Variants in SON observed in about 807,000 individuals in gnomAD.
SON encodes protein SON.
Under a neutral mutation model 173.3 loss-of-function variants are expected in SON, and 4 were observed. The ratio of observed to expected loss-of-function variants is 0.02; its 90% CI spans 0.01 to 0.05. SON has a LOEUF of 0.05. Ranked by LOEUF, SON falls within the 10% of genes least tolerant of loss-of-function variation. The pLI is 1.00. For missense variants in SON, 2,626 were observed against 3,055.3 expected, an observed-to-expected ratio of 0.86 and a Z score of 3.31; for synonymous variants, 1,190 against 1,105.9, an observed-to-expected ratio of 1.08 and a Z score of -1.51.
chr21:33,555,331 C>T lies in SON; in HGVS notation c.6100C>T (p.Arg2034Cys), dbSNP rs369271513. ...LRRRFSRSPIRRKRSRSSERG... is the reference protein window; with the variant it reads ...LRRRFSRSPICRKRSRSSERG... ...AAGAAGGTTTAGCAGATCTCCCATC[C>T]GTCGTAAAAGATCCAGGTCTTCTGA... The change falls in exon 3 of 12, where the codon CGT (arginine) becomes TGT (cysteine). Residue 2034 changes from arginine (R) to cysteine (C), a missense_variant. Around this residue, in one of 13 missense-constraint regions of SON, gnomAD observed 138 missense variants for 222.9 expected, o/e 0.62. Transcript: ENST00000356577. 25 of 1,601,314 alleles carry T rather than the reference C, an allele frequency of 1.6e-5. No homozygotes were observed. Among genetic ancestry groups the T allele is most frequent in the East Asian group, 2.3e-5 (1 of 43,678 alleles).
intron 7 of SON, chr21:33,567,490 G>A: frequency 2.0e-6 from 1 of 510,880 alleles, no homozygotes; most frequent in African/African-American, 1.9e-5. Context: ...TGTTTCTTGA[G>A]AGAACAAAAT....
intron 6 of SON, chr21:33,560,344 T>A: frequency 7.7e-7 from 1 of 1,300,932 alleles, no homozygotes; most frequent in South Asian, 2.3e-5. Flanking sequence ...CTTGGCCCTT[T>A]TAAATTCTTG....
intron 6 of SON, among the ~76,000 whole-genome samples, chr21:33,562,966 G>A (rs2086096031): frequency 6.6e-6 from 1 of 152,060 alleles, no homozygotes; most frequent in Non-Finnish European, 1.5e-5. Context: ...ATGCTTAGAT[G>A]TTAAGATCAT....
chr21:33,561,216 T>C (rs936624025), intron 6 of SON, among the ~76,000 whole-genome samples: 8 of 152,096 alleles, frequency 5.3e-5, no homozygotes, highest in African/African-American at 1.9e-4. Context: ...AAGAGGGAGA[T>C]AGTTGGTTTG....
rs763843527 is a variant in SON, at chr21:33,552,533, G to T, written c.3302G>T (p.Arg1101Leu). 3 of 1,613,932 alleles carry T rather than the reference G, an allele frequency of 1.9e-6. No individual in the cohort carries two copies. The highest frequency in any genetic ancestry group is 2.5e-6 in the Non-Finnish European group (3 of 1,179,974). ...ATGTCGTCATACTCTGCTGCTGACCGGTCTATGATGTCATCGTACTCTGCA... is the reference window on the plus strand; with the variant it reads ...ATGTCGTCATACTCTGCTGCTGACCTGTCTATGATGTCATCGTACTCTGCA... ...SMMSSYSAAD[R>L]SMMSSYSAAD... Residue 1101 changes from arginine (R) to leucine (L), a missense_variant, in exon 3 of 12, where the codon CGG (arginine) becomes CTG (leucine). Around this residue, in one of 13 missense-constraint regions of SON, gnomAD observed 366 missense variants for 448.6 expected, o/e 0.82. Coordinates refer to ENST00000356577, the MANE Select transcript of SON (RefSeq NM_138927.4). The surrounding 1 kb of genome is among the most constrained non-coding windows in gnomAD (Gnocchi z 5.6).
At chr21:33,558,158 T>A (rs1388074422) in intron 4 of SON, 2 of 152,936 alleles carry the variant, frequency 1.3e-5, no homozygotes, top group East Asian at 3.9e-4. Context: ...CTTTTTATCC[T>A]ATTGTAATAT....
chr21:33,571,102 A>G (rs979994883), intron 8 of SON, among the ~76,000 whole-genome samples: 4 of 152,212 alleles, frequency 2.6e-5, no homozygotes, highest in Admixed American at 2.0e-4. Context: ...AATTATTTTG[A>G]TAAATTATGA....
intron 1 of SON, among the ~76,000 whole-genome samples, chr21:33,545,389 G>A (rs138404325): frequency 7.0e-4 from 107 of 152,264 alleles, no homozygotes; most frequent in African/African-American, 2.5e-3. Context: ...TTATCAGGTA[G>A]TGGAGCATAA....
chr21:33,567,285 A>T lies in SON; in HGVS notation c.6768+18A>T, dbSNP rs144666057. The T allele has an allele frequency of 1.7e-3, 2,325 of 1,374,182 alleles. 16 individuals are homozygous for T. In the African/African-American group the frequency reaches 0.02, roughly 12 times the overall value. 85.1% of individuals were successfully genotyped at this position (1,374,182 alleles called of 1,614,324 possible). On this transcript the variant is annotated intron_variant, in intron 7 of 11. Coordinates refer to ENST00000356577, the MANE Select transcript of SON (RefSeq NM_138927.4). ...AGGAAAGGGTATGTAGCAGTTTTTT[A>T]AAAAAAATTATTATTTACCATCAGC...
chr21:33,569,240 G>C, intron 8 of SON, 153 bp downstream of exon 8: 1 of 556,258 alleles, frequency 1.8e-6, no homozygotes, highest in Non-Finnish European at 3.3e-6. Context: ...CACTGAAGAC[G>C]GACTGGATTC....
chr21:33,562,204 T>C (rs963750284), intron 6 of SON, among the ~76,000 whole-genome samples: 2 of 152,188 alleles, frequency 1.3e-5, no homozygotes, highest in African/African-American at 4.8e-5. Flanking sequence ...AAGTAATGAA[T>C]TTATTATTTA....
chr21:33,556,726 AAAG>A (rs1011893173), intron 3 of SON, among the ~76,000 whole-genome samples: 12 of 151,296 alleles, frequency 7.9e-5, no homozygotes, highest in African/African-American at 2.7e-4. Flanking sequence ...AAAAAAAAAA[AAAG>A]AGGTGGCACT....
chr21:33,553,793 G>C lies in SON; in HGVS notation c.4562G>C (p.Gly1521Ala). 6.2e-7 allele frequency: 1 copy of C among 1,614,060 alleles called. No homozygotes were observed. The highest frequency in any genetic ancestry group is 1.1e-5 in the South Asian group (1 of 91,078). The change falls in exon 3 of 12, where the codon GGT (glycine) becomes GCT (alanine). Residue 1521 changes from glycine (G) to alanine (A), a missense_variant. Physicochemically the swap from Gly to Ala is moderately conservative, Grantham distance 60. Coordinates refer to ENST00000356577, the MANE Select transcript of SON (RefSeq NM_138927.4). ...CCACATGCTGAGGAACACCTGAAAG[G>C]TGACTTTTACGAAAGTGAACATGGT... ...EEPHAEEHLK[G>A]DFYESEHGIN...
intron 7 of SON, among the ~76,000 whole-genome samples, chr21:33,567,799 G>A (rs937705600): frequency 1.3e-5 from 2 of 152,152 alleles, no homozygotes; most frequent in Admixed American, 6.5e-5. Context: ...TGTAATGCCA[G>A]CTACTCAGGA....
chr21:33,550,921 C>G lies in SON; in HGVS notation c.1690C>G (p.Pro564Ala). The change falls in exon 3 of 12, where the codon CCT becomes GCT. Residue 564 changes from proline to alanine, a missense_variant. By Grantham distance (27) the Pro-to-Ala change is conservative (BLOSUM62 -1). Transcript: ENST00000356577. Reference protein sequence around the residue: ...ATTALELPGQPSVTGVPELPG... With the variant: ...ATTALELPGQASVTGVPELPG... ...GACAGCGCTGGAGTTGCCGGGGCAG[C>G]CTTCGGTGACTGGGGTGCCAGAGTT... 1 of 1,606,996 alleles carries G rather than the reference C, an allele frequency of 6.2e-7. No homozygotes were observed. Among genetic ancestry groups the G allele is most frequent in the Non-Finnish European group, 8.5e-7 (1 of 1,174,750 alleles).
chr21:33,557,850 T>C (rs1277960964), intron 4 of SON: 3 of 486,326 alleles, frequency 6.2e-6, no homozygotes, highest in African/African-American at 2.0e-5. Flanking sequence ...CATTATCAGT[T>C]CTTCCTGCGG....
In SON at chr21:33,546,272, C is replaced by A. The variant is rs760780913; in HGVS notation, c.137C>A (p.Ala46Glu). 1 of 1,613,498 alleles carries A rather than the reference C, an allele frequency of 6.2e-7. No individual in the cohort carries two copies. The highest frequency in any genetic ancestry group is 1.7e-5 in the Admixed American group (1 of 59,950). ...AATACACCCATTGAAGGAAACCAGG[C>A]GGGTGATGCAGCTGCCTCTGCCAGG... Reference protein sequence around the residue: ...ETNTPIEGNQAGDAAASARSL... With the variant: ...ETNTPIEGNQEGDAAASARSL... Residue 46 changes from alanine (A) to glutamate (E), a missense_variant, in exon 2 of 12, where the codon GCG (alanine) becomes GAG (glutamate). Ala to Glu is a moderately radical substitution (Grantham distance 107). Transcript: ENST00000356577.
chr21:33,561,413 T>A (rs1226081472), intron 6 of SON, among the ~76,000 whole-genome samples: 1 of 152,174 alleles, frequency 6.6e-6, no homozygotes, highest in African/African-American at 2.4e-5. Context: ...TTTAGTAATT[T>A]CCTGCAGTTT....
rs1201902852 is a variant in SON, at chr21:33,549,973, G to C, written c.742G>C (p.Ala248Pro). The C allele has an allele frequency of 2.5e-6, 4 of 1,614,014 alleles. No individual in the cohort carries two copies. Among genetic ancestry groups the C allele is most frequent in the Non-Finnish European group, 2.5e-6 (3 of 1,180,042 alleles). The change falls in exon 3 of 12, where the codon GCA becomes CCA. Residue 248 changes from alanine to proline, a missense_variant. Around this residue, in one of 13 missense-constraint regions of SON, gnomAD observed 757 missense variants for 730.1 expected, o/e 1.04. Transcript: ENST00000356577. Reference sequence around the variant, plus strand: ...AAAGATTCTGGATTCCTTTGCAGCAGCACCAGTGCCTACTACAACACTGGT... The same window carrying C: ...AAAGATTCTGGATTCCTTTGCAGCACCACCAGTGCCTACTACAACACTGGT... Reference protein sequence around the residue: ...MTKILDSFAAAPVPTTTLVLK... With the variant: ...MTKILDSFAAPPVPTTTLVLK...
Sources: gnomAD v4.1 joint callset for allele counts (sites outside exome capture counted in the v4.1 genomes callset) on GRCh38, gnomAD v4.1.1 for gene constraint, gnomAD v4.1.1 regional missense constraint, Gnocchi (gnomAD v3.1) non-coding constraint, MANE v1.5 for transcripts, NCBI Gene and HGNC (gene_info 2026-07-23, HGNC 2026-07-21) for gene names.